Variants in GRIP1 observed in about 807,000 individuals in gnomAD.
GRIP1 encodes the protein glutamate receptor-interacting protein 1.
GRIP1 carries 45 observed loss-of-function variants against 129.9 expected under a neutral mutation model. The ratio of observed to expected loss-of-function variants is 0.35; its 90% confidence interval spans 0.27 to 0.44. GRIP1 has a LOEUF of 0.44. Among genes scored for constraint, GRIP1 ranks in the 20% least tolerant of loss-of-function variants. The pLI is 1.00. For missense variants in GRIP1, 1,196 were observed against 1,396.8 expected (o/e 0.86, Z 2.29); for synonymous variants, 530 against 520.8 (o/e 1.02, Z -0.24).
chr12:66,729,999 T>C (rs1437028923), intron 1 of GRIP1, among the ~76,000 whole-genome samples: 5 of 152,238 alleles, frequency 3.3e-5, no homozygotes, highest in Non-Finnish European at 5.9e-5. Flanking sequence ...TATTTGTCTT[T>C]ATTTTTATAA....
intron 1 of GRIP1, among the ~76,000 whole-genome samples, chr12:66,796,832 T>C (rs2038713387): frequency 6.6e-6 from 1 of 152,186 alleles, no homozygotes; most frequent in Admixed American, 6.5e-5. Context: ...ATTTTATTAT[T>C]TACAATATTA....
intron 1 of GRIP1, among the ~76,000 whole-genome samples, chr12:66,968,931 T>G (rs1473856902): frequency 6.6e-6 from 1 of 152,128 alleles, no homozygotes; most frequent in African/African-American, 2.4e-5. Context: ...ATCCCCTCGG[T>G]TTTGCTTATG....
chr12:66,432,664 C>T (rs2058184123), intron 13 of GRIP1, 36 bp from the exon 14 acceptor site: 2 of 1,143,246 alleles, frequency 1.7e-6, no homozygotes, highest in East Asian at 4.7e-5. Flanking sequence ...GTTAATAGAA[C>T]ACTGAGGACT....
rs1294724717 is a variant in GRIP1 at position 66,929,886 on chromosome 12, A to G, written c.58+139164T>C. 2.6e-5 allele frequency among the ~76,000 whole-genome samples: 4 copies of G among 152,182 alleles called. No homozygotes were observed. In the East Asian group the frequency reaches 7.7e-4, roughly 29 times the overall value. Reference sequence around the variant, plus strand: ...TTTTTTCTCTGTGTTCCAGAAGACTATTTTATGAGTATCCTACTTATGATT... The same window carrying G: ...TTTTTTCTCTGTGTTCCAGAAGACTGTTTTATGAGTATCCTACTTATGATT... On this transcript the variant is annotated intron_variant, in intron 1 of 1. Coordinates refer to the GRIP1 transcript ENST00000643019.
At chr12:67,011,073 C>A (rs2042699699) in intron 1 of GRIP1, among the ~76,000 whole-genome samples, 1 of 152,184 alleles carries the variant, frequency 6.6e-6, no homozygotes, top group African/African-American at 2.4e-5. Flanking sequence ...CCTCCAAGCT[C>A]CAGAGTGGCA....
At chr12:66,842,159 A>G (rs1447103515) in intron 1 of GRIP1, among the ~76,000 whole-genome samples, 1 of 152,116 alleles carries the variant, frequency 6.6e-6, no homozygotes, top group East Asian at 1.9e-4. Context: ...AATGAATAAA[A>G]TTACCCAGAA....
intron 13 of GRIP1, among the ~76,000 whole-genome samples, chr12:66,444,058 T>G (rs563850807): frequency 4.6e-5 from 7 of 152,364 alleles, no homozygotes; most frequent in African/African-American, 1.7e-4. Context: ...CCTCTATAGT[T>G]GTGGCTATTA....
At chr12:67,039,584 A>G (rs1317979785) in intron 1 of GRIP1, among the ~76,000 whole-genome samples, 1 of 152,204 alleles carries the variant, frequency 6.6e-6, no homozygotes, top group Non-Finnish European at 1.5e-5. Flanking sequence ...TTCCAGAAAG[A>G]GTACTGCAAC....
At chr12:66,836,572 A>G (rs1248110354) in intron 1 of GRIP1, among the ~76,000 whole-genome samples, 1 of 152,052 alleles carries the variant, frequency 6.6e-6, no homozygotes, top group East Asian at 1.9e-4. Context: ...AGTGTGATAC[A>G]TTTTTTCTGC....
At chr12:66,462,823 A>AT in intron 9 of GRIP1, 101 bp downstream of exon 9, 8 of 656,180 alleles carry the variant, frequency 1.2e-5, no homozygotes, top group South Asian at 1.7e-5. Context: ...AAAAAAAAAA[A>AT]GGCAGAATGA....
intron 1 of GRIP1, among the ~76,000 whole-genome samples, chr12:66,658,991 C>T (rs551650973): frequency 2.6e-5 from 4 of 152,118 alleles, no homozygotes; most frequent in East Asian, 1.9e-4. Context: ...AAATAAAAAG[C>T]GGCTCCTGAA....
intron 1 of GRIP1, among the ~76,000 whole-genome samples, chr12:67,053,577 T>C (rs979707817): frequency 6.6e-6 from 1 of 152,210 alleles, no homozygotes; most frequent in Non-Finnish European, 1.5e-5. Flanking sequence ...TGGTGGCTCA[T>C]GCCTGTAATC....
intron 1 of GRIP1, among the ~76,000 whole-genome samples, chr12:67,058,586 C>T (rs1380752108): frequency 2.6e-5 from 4 of 152,066 alleles, no homozygotes; most frequent in Non-Finnish European, 5.9e-5. Flanking sequence ...ATACGTTTGC[C>T]GATAAAATAC....
In GRIP1 at chr12:66,417,854, C is replaced by A. The variant is rs537147820; in HGVS notation, c.1838+2866G>T. Among the ~76,000 whole-genome samples, 85 of 152,076 alleles carry A rather than the reference C, an allele frequency of 5.6e-4. 1 individual carries two copies. In the South Asian group the frequency reaches 0.015, roughly 27 times the overall value. ...GAAGGATCAATATTGTTAAAATATCCATACTACCCAGAGCAATCTACATAT... is the reference window on the plus strand; with the variant it reads ...GAAGGATCAATATTGTTAAAATATCAATACTACCCAGAGCAATCTACATAT... On this transcript the variant is annotated intron_variant, in intron 15 of 24. Coordinates refer to ENST00000359742, the MANE Select transcript of GRIP1 (RefSeq NM_001366722.1).
intron 1 of GRIP1, among the ~76,000 whole-genome samples, chr12:66,623,038 A>C (rs1206395541): frequency 2.0e-5 from 3 of 152,174 alleles, no homozygotes; most frequent in Non-Finnish European, 4.4e-5. Context: ...TTATTACTAT[A>C]TCCTCAGTAT....
intron 7 of GRIP1, among the ~76,000 whole-genome samples, chr12:66,510,615 G>A (rs1565812362): frequency 1.3e-5 from 2 of 152,064 alleles, no homozygotes; most frequent in Non-Finnish European, 2.9e-5. Context: ...TCCTTAAAAT[G>A]TCAACACAGA....
chr12:66,801,071 C>T (rs1356942129), intron 1 of GRIP1, among the ~76,000 whole-genome samples: 2 of 152,012 alleles, frequency 1.3e-5, no homozygotes, highest in Non-Finnish European at 1.5e-5. Flanking sequence ...GAAAATTCTC[C>T]AGTCAATACC....
rs188588689 is a variant in GRIP1, at chr12:66,461,640, T to C, written c.1042+1284A>G. Among the ~76,000 whole-genome samples the C allele has an allele frequency of 2.0e-4, 30 of 152,218 alleles. 1 individual carries two copies. The East Asian group carries it at 5.2e-3, about 26-fold the overall frequency. On this transcript the variant is annotated intron_variant, in intron 9 of 24. Transcript: ENST00000359742. The stretch of plus-strand genomic sequence containing the variant: ...GATAAGGGTAATGTTGTACTAGAGA[T>C]TTTCATTAGCTTCAGGGCTGTCTAA...
chr12:66,697,604 T>C (rs1052408850), intron 1 of GRIP1, among the ~76,000 whole-genome samples: 3 of 152,148 alleles, frequency 2.0e-5, no homozygotes, highest in Non-Finnish European at 4.4e-5. Context: ...CTTTTTAAGA[T>C]ACTTTTGGTT....
Sources: allele counts gnomAD v4.1 joint callset (sites outside exome capture counted in the v4.1 genomes callset), GRCh38; gene constraint gnomAD v4.1.1; transcripts MANE v1.5; gene names NCBI Gene and HGNC (gene_info 2026-07-23, HGNC 2026-07-21).